Variants in PPP1R7 observed in about 807,000 individuals in gnomAD.
The protein encoded by PPP1R7 is protein phosphatase 1 regulatory subunit 7.
Under a neutral mutation model 45.2 loss-of-function variants are expected in PPP1R7, and 18 were observed. That is an observed-to-expected ratio of 0.40 (90% CI 0.28 to 0.59). The LOEUF (loss-of-function observed/expected upper bound fraction) is 0.59. Ranked by LOEUF, PPP1R7 falls within the 20% of genes least tolerant of loss-of-function variation. The pLI, the probability that PPP1R7 is intolerant of heterozygous loss-of-function variation, is 0.46. For synonymous variants in PPP1R7, 181 were observed against 183.4 expected (o/e 0.99, Z 0.11); for missense variants, 314 against 455.8 (o/e 0.69, Z 2.83).
At chr2:241,164,722 G>C (rs966065589) in intron 7 of PPP1R7, among the ~76,000 whole-genome samples, 5 of 152,034 alleles carry the variant, frequency 3.3e-5, no homozygotes, top group Admixed American at 3.3e-4. Context: ...AACATAGTGA[G>C]AGCCCATCTC....
chr2:241,156,323 ACAAACAG>A (rs1432398824), intron 2 of PPP1R7, among the ~76,000 whole-genome samples: 4 of 152,254 alleles, frequency 2.6e-5, no homozygotes, highest in African/African-American at 9.6e-5. Flanking sequence ...GCACTACAAG[ACAAACAG>A]CTTGTTTTCC....
chr2:241,181,039 A>C (rs1683046713), intron 9 of PPP1R7, among the ~76,000 whole-genome samples: 1 of 152,106 alleles, frequency 6.6e-6, no homozygotes, highest in South Asian at 2.1e-4. Flanking sequence ...TCTCTACAAA[A>C]ATACAAAAAT....
intron 4 of PPP1R7, chr2:241,158,845 A>G: frequency 4.3e-6 from 2 of 461,342 alleles, no homozygotes; most frequent in East Asian, 3.5e-5. Flanking sequence ...GCTGACTTTT[A>G]CAGTCCTCCG....
At chr2:241,158,943 A>G in intron 4 of PPP1R7, 2 of 454,530 alleles carry the variant, frequency 4.4e-6, no homozygotes, top group East Asian at 3.9e-5. Context: ...CCCCAGGCCA[A>G]CGCCTCCCTC....
intron 1 of PPP1R7, among the ~76,000 whole-genome samples, chr2:241,152,491 G>T (rs1194008504): frequency 6.6e-6 from 1 of 152,222 alleles, no homozygotes; most frequent in Admixed American, 6.5e-5. Flanking sequence ...GTCATTGCGG[G>T]GGTAGGGAAG....
In PPP1R7 at chr2:241,150,473, C is replaced by T. The variant is rs756585458; in HGVS notation, c.-23C>T. The T allele has an allele frequency of 9.4e-6, 15 of 1,587,350 alleles. No homozygotes were observed. Among genetic ancestry groups the T allele is most frequent in the Middle Eastern group, 1.7e-4 (1 of 5,850 alleles). On this transcript the variant is annotated 5_prime_UTR_variant, in exon 1 of 10. Transcript: ENST00000234038. ...CTGAGGGGTCTGAGGCGACAGATTC[C>T]GGAAAGGGGAAGAGCAGCCAACATG...
chr2:241,171,869 T>C (rs1333012678), intron 9 of PPP1R7, among the ~76,000 whole-genome samples: 1 of 152,250 alleles, frequency 6.6e-6, no homozygotes, highest in Non-Finnish European at 1.5e-5. Context: ...ATCTGTCTTA[T>C]GATTAGCGCT....
rs2149070688 is a variant in PPP1R7, at chr2:241,177,012, C to T, written c.907-5635C>T. 1.3e-5 allele frequency among the ~76,000 whole-genome samples: 2 copies of T among 152,294 alleles called. 1 individual carries two copies. The highest frequency in any genetic ancestry group is 1.3e-4 in the Admixed American group (2 of 15,288). On this transcript the variant is annotated intron_variant, in intron 9 of 9. Transcript: ENST00000234038. ...TTGGGAGGCTGAGACGGGTGGGTCACCTAAGGTCAGGAGTTTGAGACTAGT... is the reference window on the plus strand; with the variant it reads ...TTGGGAGGCTGAGACGGGTGGGTCATCTAAGGTCAGGAGTTTGAGACTAGT...
chr2:241,179,231 A>T (rs967080473), intron 9 of PPP1R7, among the ~76,000 whole-genome samples: 1 of 152,166 alleles, frequency 6.6e-6, no homozygotes, highest in Non-Finnish European at 1.5e-5. Context: ...TGAAGAAGGG[A>T]TGTTTGCACA....
chr2:241,161,164 C>A (rs377327391), intron 6 of PPP1R7, among the ~76,000 whole-genome samples: 6 of 130,632 alleles, frequency 4.6e-5, no homozygotes, highest in East Asian at 2.3e-4. Context: ...TGATCATGGT[C>A]ATCTTCTCTG....
intron 9 of PPP1R7, among the ~76,000 whole-genome samples, chr2:241,180,693 G>A (rs1277255038): frequency 1.3e-5 from 2 of 150,936 alleles, no homozygotes; most frequent in East Asian, 1.9e-4. Context: ...GGGGCGGTGC[G>A]AGTGTAGTAA....
Position 241,160,123 on chromosome 2 carries a change from C to T in PPP1R7, c.435-209C>T, listed in dbSNP as rs559125408. 2.8e-4 allele frequency among the ~76,000 whole-genome samples: 43 copies of T among 152,284 alleles called. 2 individuals carry two copies. The South Asian group carries it at 8.7e-3, about 31-fold the overall frequency. ...GCCTGTAGGCTGCCTCTGGCTTGCT[C>T]CGGGCTCCTGGGCAGCCTCCAAATC... On this transcript the variant is annotated intron_variant, in intron 5 of 9. Transcript: ENST00000234038.
At chr2:241,155,993 A>G (rs1162540301) in intron 2 of PPP1R7, among the ~76,000 whole-genome samples, 1 of 152,048 alleles carries the variant, frequency 6.6e-6, no homozygotes, top group Non-Finnish European at 1.5e-5. Flanking sequence ...ACCACAGTTG[A>G]TGGTTATAGA....
Position 241,182,781 on chromosome 2 carries a change from C to T in PPP1R7, c.1041C>T (p.Leu347=), listed in dbSNP as rs1215190473. Residue 347 remains leucine, a synonymous_variant, in exon 10 of 10, where the codon CTC becomes CTT. Coordinates refer to ENST00000234038, the MANE Select transcript of PPP1R7 (RefSeq NM_002712.3). ...ACCGGCGGAAGGTCATGCTCGCCCT[C>T]CCCTCCGTGCGGCAGATCGATGCCA... The part of the protein sequence containing the change: ...PQYRRKVMLA[L]PSVRQIDATF... 12 of 1,614,062 alleles carry T rather than the reference C, an allele frequency of 7.4e-6. No homozygotes were observed. Among genetic ancestry groups the T allele is most frequent in the Non-Finnish European group, 1.0e-5 (12 of 1,179,946 alleles).
At chr2:241,149,584 C>T (rs1006896048), upstream of PPP1R7, 3 of 1,448,328 alleles carry the variant, frequency 2.1e-6, no homozygotes, top group Non-Finnish European at 1.9e-6. Flanking sequence ...TAGAAGCCCG[C>T]GCTAAGGGTT....
chr2:241,154,199 A>G (rs1463212966), intron 2 of PPP1R7, among the ~76,000 whole-genome samples: 1 of 151,494 alleles, frequency 6.6e-6, no homozygotes, highest in East Asian at 1.9e-4. Flanking sequence ...AAAAAAAAAA[A>G]AAAAAGGAAA....
chr2:241,179,298 C>T, intron 9 of PPP1R7, among the ~76,000 whole-genome samples: 1 of 152,146 alleles, frequency 6.6e-6, no homozygotes, highest in South Asian at 2.1e-4. Context: ...AAGCATGTTC[C>T]CAGAGTCATC....
intron 6 of PPP1R7, among the ~76,000 whole-genome samples, chr2:241,161,430 C>T (rs1157959823): frequency 6.6e-6 from 1 of 151,014 alleles, no homozygotes; most frequent in Non-Finnish European, 1.5e-5. Context: ...GTTTCCCAAG[C>T]CCAGCAAAGT....
Position 241,166,280 on chromosome 2 carries a change from C to T in PPP1R7, c.715-57C>T, listed in dbSNP as rs531413112. On this transcript the variant is annotated intron_variant, in intron 7 of 9. Coordinates refer to ENST00000234038, the MANE Select transcript of PPP1R7 (RefSeq NM_002712.3). ...ACACAAAACCTCGTTTCCTAAAAAC[C>T]GTTTCATTTCATACCTTCTGTACTG... is the stretch of plus-strand genomic sequence containing the variant. The T allele has an allele frequency of 1.5e-5, 21 of 1,387,524 alleles. No homozygotes were observed. The East Asian group carries it at 1.6e-4, about 11-fold the overall frequency. The allele number at this position is 1,387,524 out of a possible 1,614,324, so 86.0% of individuals were successfully genotyped here.
Sources: gnomAD v4.1 joint callset for allele counts (sites outside exome capture counted in the v4.1 genomes callset) on GRCh38, gnomAD v4.1.1 for gene constraint, MANE v1.5 for transcripts, NCBI Gene and HGNC (gene_info 2026-07-23, HGNC 2026-07-21) for gene names.